The following ANXA10 variants were observed in gnomAD, a reference collection of about 807,000 sequenced individuals.
ANXA10 encodes the protein annexin 14.
ANXA10 carries 49 observed loss-of-function variants against 53.5 expected under a neutral mutation model. The ratio of observed to expected loss-of-function variants is 0.92; its 90% confidence interval spans 0.73 to 1.16. ANXA10 has a LOEUF of 1.16. ANXA10 is among the 50% of genes most tolerant of loss of function. The pLI, the probability that ANXA10 is intolerant of heterozygous loss-of-function variation, is 0.00. For synonymous variants in ANXA10, 131 were observed against 128.9 expected (o/e 1.02, Z -0.11); for missense variants, 393 against 394.4 (o/e 1.00, Z 0.03).
chr4:168,131,580 C>A (rs142234219), intron 2 of ANXA10, among the ~76,000 whole-genome samples: 10 of 151,966 alleles, frequency 6.6e-5, no homozygotes, highest in Admixed American at 4.6e-4. Context: ...ACAAATTACT[C>A]TAGAGGTGTT....
intron 3 of ANXA10, among the ~76,000 whole-genome samples, chr4:168,143,794 G>A (rs889618536): frequency 1.3e-5 from 2 of 152,090 alleles, no homozygotes; most frequent in Non-Finnish European, 2.9e-5. Flanking sequence ...ATTTAGTGCC[G>A]GGGCTGACTT....
intron 6 of ANXA10, among the ~76,000 whole-genome samples, chr4:168,170,492 C>T (rs1731962694): frequency 6.6e-6 from 1 of 152,128 alleles, no homozygotes; most frequent in Non-Finnish European, 1.5e-5. Context: ...GCTTTTGGCT[C>T]CTAATAGGCA....
intron 4 of ANXA10, 120 bp downstream of exon 4, chr4:168,162,761 T>G (rs1236557144): frequency 1.3e-6 from 1 of 754,200 alleles, no homozygotes; most frequent in Non-Finnish European, 2.3e-6. Context: ...AGGGAATATC[T>G]AAACAATGAT....
At chr4:168,107,442 A>C (rs1730736488) in intron 1 of ANXA10, among the ~76,000 whole-genome samples, 1 of 152,186 alleles carries the variant, frequency 6.6e-6, no homozygotes, top group Admixed American at 6.5e-5. Context: ...AAATGTTTTT[A>C]TCAGATAGTT....
intron 1 of ANXA10, among the ~76,000 whole-genome samples, chr4:168,126,019 A>G (rs1731062077): frequency 6.6e-6 from 1 of 152,188 alleles, no homozygotes; most frequent in Non-Finnish European, 1.5e-5. Flanking sequence ...TTTCAAAGAA[A>G]TGAAAAAATC....
At chr4:168,156,140 TA>T (rs1169135137) in intron 3 of ANXA10, among the ~76,000 whole-genome samples, 1 of 26,470 alleles carries the variant, frequency 3.8e-5, no homozygotes, top group African/African-American at 1.7e-4. Flanking sequence ...ATATTATATA[TA>T]AAAATAATAT....
chr4:168,169,304 G>A (rs967666137), intron 6 of ANXA10, among the ~76,000 whole-genome samples: 26 of 151,998 alleles, frequency 1.7e-4, no homozygotes, highest in Non-Finnish European at 2.8e-4. Context: ...ATAAATTAAA[G>A]CAACAGTTTC....
At chr4:168,166,521 A>G (rs1731881028) in intron 6 of ANXA10, among the ~76,000 whole-genome samples, 1 of 152,180 alleles carries the variant, frequency 6.6e-6, no homozygotes, top group African/African-American at 2.4e-5. Context: ...GAATGCAAAG[A>G]GAAAGAGGGT....
chr4:168,183,237 A>G (rs923469170), intron 10 of ANXA10, among the ~76,000 whole-genome samples: 4 of 152,204 alleles, frequency 2.6e-5, no homozygotes, highest in Non-Finnish European at 5.9e-5. Flanking sequence ...ATGTTATTAT[A>G]TATCTTCTGC....
At chr4:168,177,422 T>C (rs1478339370) in intron 6 of ANXA10, among the ~76,000 whole-genome samples, 1 of 152,172 alleles carries the variant, frequency 6.6e-6, no homozygotes, top group Non-Finnish European at 1.5e-5. Flanking sequence ...ACTGCCATGG[T>C]CAGGCAGTGG....
chr4:168,166,920 C>T (rs1457715455), intron 6 of ANXA10, among the ~76,000 whole-genome samples: 1 of 152,076 alleles, frequency 6.6e-6, no homozygotes, highest in African/African-American at 2.4e-5. Flanking sequence ...AGAGAAGGAT[C>T]TATAGTCCAG....
intron 3 of ANXA10, among the ~76,000 whole-genome samples, chr4:168,156,348 T>G (rs1731679396): frequency 8.5e-6 from 1 of 118,024 alleles, no homozygotes; most frequent in Non-Finnish European, 1.6e-5. Context: ...GTATATATGT[T>G]ATATAATATA....
intron 3 of ANXA10, among the ~76,000 whole-genome samples, chr4:168,144,304 A>C (rs1731373415): frequency 6.6e-6 from 1 of 152,126 alleles, no homozygotes; most frequent in Non-Finnish European, 1.5e-5. Flanking sequence ...CTCCTGCAAC[A>C]GCCTCCCAAG....
At chr4:168,146,609 A>G (rs1265364323) in intron 3 of ANXA10, among the ~76,000 whole-genome samples, 1 of 152,168 alleles carries the variant, frequency 6.6e-6, no homozygotes, top group Non-Finnish European at 1.5e-5. Flanking sequence ...CTGATGATGA[A>G]TACAGGTAGC....
At chr4:168,178,752 C>A (rs1732182971) in intron 8 of ANXA10, among the ~76,000 whole-genome samples, 1 of 152,128 alleles carries the variant, frequency 6.6e-6, no homozygotes, top group Non-Finnish European at 1.5e-5. Context: ...AGTCTACACC[C>A]AAAAAGTTGA....
At chr4:168,103,093 C>G (rs1730666756) in intron 1 of ANXA10, among the ~76,000 whole-genome samples, 1 of 152,002 alleles carries the variant, frequency 6.6e-6, no homozygotes, top group South Asian at 2.1e-4. Flanking sequence ...ATGTAACTTA[C>G]ACACCTTTCC....
At chr4:168,097,969 C>T (rs991662272) in intron 1 of ANXA10, among the ~76,000 whole-genome samples, 1 of 152,018 alleles carries the variant, frequency 6.6e-6, no homozygotes, top group Non-Finnish European at 1.5e-5. Flanking sequence ...TAGAACACCT[C>T]TCTAGATATG....
chr4:168,165,344 T>A lies in ANXA10; in HGVS notation c.480+18T>A. 6.8e-7 allele frequency: 1 copy of A among 1,461,116 alleles called. No individual in the cohort carries two copies. The highest frequency in any genetic ancestry group is 9.4e-7 in the Non-Finnish European group (1 of 1,069,366). The allele number at this position is 1,461,116 out of a possible 1,614,324, so 90.5% of individuals were successfully genotyped here. On this transcript the variant is annotated intron_variant, in intron 6 of 11. Coordinates refer to ENST00000359299, the MANE Select transcript of ANXA10 (RefSeq NM_007193.5). ...TGGTCCAGGTATGGCATTCCAAAATTTACATTACTTTGCACTATCTAAGCA... is the reference window on the plus strand; with the variant it reads ...TGGTCCAGGTATGGCATTCCAAAATATACATTACTTTGCACTATCTAAGCA...
chr4:168,122,766 A>T (rs1731008163), intron 1 of ANXA10, among the ~76,000 whole-genome samples: 2 of 152,128 alleles, frequency 1.3e-5, no homozygotes, highest in African/African-American at 4.8e-5. Context: ...GAACTCACTC[A>T]CTATTGTGAG....
Sources: gnomAD v4.1 joint callset for allele counts (sites outside exome capture counted in the v4.1 genomes callset) on GRCh38, gnomAD v4.1.1 for gene constraint, MANE v1.5 for transcripts, NCBI Gene and HGNC (gene_info 2026-07-23, HGNC 2026-07-21) for gene names.